MBP: variants seen among roughly 807,000 people sequenced by gnomAD.
The protein encoded by MBP is myelin basic protein.
MBP carries 16 observed loss-of-function variants against 35.8 expected under a neutral mutation model. That is an observed-to-expected ratio of 0.45 (90% CI 0.30 to 0.68). MBP has a LOEUF of 0.68. Among genes scored for constraint, MBP ranks in the 30% least tolerant of loss-of-function variants. The probability of loss-of-function intolerance (pLI) is 0.08; values close to 1 mark genes in which losing one functional copy is unlikely to be tolerated. For synonymous variants in MBP, 143 were observed against 159.6 expected (o/e 0.90, Z 0.78); for missense variants, 380 against 404.7 (o/e 0.94, Z 0.52).
At chr18:77,066,072 G>A (rs141401885) in intron 3 of MBP, 80 of 486,664 alleles carry the variant, frequency 1.6e-4, no homozygotes, top group African/African-American at 1.3e-3. Flanking sequence ...TGTGTTGCCC[G>A]GGCTGGTCTT....
rs936167539 is a variant in MBP, at chr18:76,990,695, C to T, written c.577-635G>A. Reference sequence around the variant, plus strand: ...GTCTTTGTCACCTTTTAAACTTTGTCTATGCAAATTAGGGTGTGTGTGTGC... The same window carrying T: ...GTCTTTGTCACCTTTTAAACTTTGTTTATGCAAATTAGGGTGTGTGTGTGC... On this transcript the variant is annotated intron_variant, in intron 4 of 8. Coordinates refer to ENST00000355994, the MANE Select transcript of MBP (RefSeq NM_001025101.2). 1.8e-5 allele frequency: 3 copies of T among 164,740 alleles called. No individual in the cohort carries two copies. In the East Asian group the frequency reaches 5.7e-4, roughly 31 times the overall value. 10.2% of individuals were successfully genotyped at this position (164,740 alleles called of 1,614,324 possible). A position where few individuals can be genotyped will look rare whatever the true frequency, so the allele number is the denominator to read the frequency against.
chr18:77,029,959 C>G (rs950182941), intron 3 of MBP, among the ~76,000 whole-genome samples: 1 of 152,184 alleles, frequency 6.6e-6, no homozygotes, highest in Non-Finnish European at 1.5e-5. Context: ...CACAGGGAAC[C>G]TAGACACAAT....
chr18:77,096,285 T>C (rs1378430861), intron 2 of MBP, among the ~76,000 whole-genome samples: 1 of 152,252 alleles, frequency 6.6e-6, no homozygotes, highest in African/African-American at 2.4e-5. Flanking sequence ...GCAAACTAAA[T>C]GTCTCATTTC....
chr18:77,085,389 T>C (rs981719612), intron 2 of MBP, among the ~76,000 whole-genome samples: 2 of 152,228 alleles, frequency 1.3e-5, no homozygotes, highest in Non-Finnish European at 2.9e-5. Context: ...AGCTTGGCCC[T>C]GCCAATCTTC....
chr18:77,087,014 T>A (rs71360994), intron 2 of MBP, among the ~76,000 whole-genome samples: 39,422 of 152,198 alleles, frequency 0.26, 5,605 homozygotes, highest in Middle Eastern at 0.34. Context: ...ATTCAATCTG[T>A]TTTATTTGAA....
At chr18:77,067,620 C>T (rs1173822732) in intron 2 of MBP, among the ~76,000 whole-genome samples, 3 of 152,180 alleles carry the variant, frequency 2.0e-5, no homozygotes, top group Admixed American at 2.0e-4. Flanking sequence ...ACTGAGCGGG[C>T]GTCAGTGCTG....
Position 77,052,581 on chromosome 18 carries a change from AG to A in MBP, c.139+13716del, listed in dbSNP as rs554090335. Among the ~76,000 whole-genome samples the A allele has an allele frequency of 3.3e-5, 5 of 152,346 alleles. No individual in the cohort carries two copies. The South Asian group carries it at 8.3e-4, about 25-fold the overall frequency. ...TTATATTTGAAGGCCAGGATCGCTT[AG>A]GGGTAAGTGCACAGGAAACAAACTT... On this transcript the variant is annotated intron_variant, in intron 3 of 8. Coordinates refer to ENST00000355994, the MANE Select transcript of MBP (RefSeq NM_001025101.2).
At position 77,124,925 on chromosome 18, in the gene MBP, C is replaced by T. The variant is rs139282887; in HGVS notation, c.-26+7655G>A. ...TTTAGCTAGATTCTCATGGTTCTTCCTCAAGTCATGGGCTCAAGAGTGAGG... is the reference window on the plus strand; with the variant it reads ...TTTAGCTAGATTCTCATGGTTCTTCTTCAAGTCATGGGCTCAAGAGTGAGG... On this transcript the variant is annotated intron_variant, in intron 1 of 8. Coordinates refer to ENST00000355994, the MANE Select transcript of MBP (RefSeq NM_001025101.2). Among the ~76,000 whole-genome samples, 835 of 152,324 alleles carry T rather than the reference C, an allele frequency of 5.5e-3. 7 individuals carry two copies. Among genetic ancestry groups the T allele is most frequent in the African/African-American group, 0.019 (797 of 41,560 alleles).
chr18:77,088,506 A>G (rs1371869087), intron 2 of MBP, among the ~76,000 whole-genome samples: 3 of 152,202 alleles, frequency 2.0e-5, no homozygotes, highest in Non-Finnish European at 4.4e-5. Flanking sequence ...ACCTTCTTAC[A>G]TACAAAAAAA....
intron 2 of MBP, among the ~76,000 whole-genome samples, chr18:77,083,943 C>T (rs1200731729): frequency 6.6e-6 from 1 of 151,960 alleles, no homozygotes; most frequent in Non-Finnish European, 1.5e-5. Context: ...ATCCAGTAAA[C>T]AAGACTGCAT....
chr18:77,052,361 G>T (rs1292031545), intron 3 of MBP, among the ~76,000 whole-genome samples: 3 of 152,166 alleles, frequency 2.0e-5, no homozygotes, highest in Non-Finnish European at 4.4e-5. Flanking sequence ...CTTGGATGGG[G>T]GCACCTGTGA....
chr18:77,094,183 C>G (rs1975664089), intron 2 of MBP, among the ~76,000 whole-genome samples: 1 of 152,160 alleles, frequency 6.6e-6, no homozygotes, highest in Non-Finnish European at 1.5e-5. Context: ...ACCATGTTGG[C>G]CAGGCTGGTC....
rs562169950 is a variant in MBP at position 77,021,468 on chromosome 18, C to T, written c.140-4200G>A. ...GGCGATGCTGTAGATAAAACAATGC[C>T]TGTGAAGATGCACCTTTTTTTTTTT... On this transcript the variant is annotated intron_variant, in intron 3 of 8. Coordinates refer to ENST00000355994, the MANE Select transcript of MBP (RefSeq NM_001025101.2). 2.0e-5 allele frequency among the ~76,000 whole-genome samples: 3 copies of T among 150,666 alleles called. No homozygotes were observed. In the South Asian group the frequency reaches 6.3e-4, roughly 32 times the overall value.
In MBP at chr18:77,111,986, C is replaced by T. The variant is rs142657980; in HGVS notation, c.-25-6700G>A. On this transcript the variant is annotated intron_variant, in intron 1 of 8. Transcript: ENST00000355994. Reference sequence around the variant, plus strand: ...ATCCTTGTCTCCTTTCTCTCTCCCCCGACGTCCCTCCCTCCATTCCTCTTC... The same window carrying T: ...ATCCTTGTCTCCTTTCTCTCTCCCCTGACGTCCCTCCCTCCATTCCTCTTC... 1.5e-3 allele frequency among the ~76,000 whole-genome samples: 227 copies of T among 152,254 alleles called. 1 individual carries two copies. The highest frequency in any genetic ancestry group is 4.9e-3 in the African/African-American group (204 of 41,542).
At position 76,988,944 on chromosome 18, in the gene MBP, T is replaced by A; in HGVS notation, c.682-32A>T. On this transcript the variant is annotated intron_variant, in intron 5 of 8. Coordinates refer to ENST00000355994, the MANE Select transcript of MBP (RefSeq NM_001025101.2). The surrounding 1 kb of genome is among the most constrained non-coding windows in gnomAD (Gnocchi z 5.2). ...AGACACAGAGAACCGTGGGCTGCAC[T>A]GGGAGCCCTGTGCCGCCGTCCATTT... The A allele has an allele frequency of 1.2e-6, 2 of 1,604,500 alleles. No individual in the cohort carries two copies. Among genetic ancestry groups the A allele is most frequent in the South Asian group, 2.2e-5 (2 of 90,898 alleles).
intron 3 of MBP, among the ~76,000 whole-genome samples, chr18:77,051,436 A>C (rs1390509216): frequency 6.6e-6 from 1 of 152,220 alleles, no homozygotes; most frequent in African/African-American, 2.4e-5. Flanking sequence ...TTAACCGTTC[A>C]ACAGTTAAGG....
At chr18:76,996,393 T>G (rs1012119820) in intron 4 of MBP, among the ~76,000 whole-genome samples, 3 of 152,180 alleles carry the variant, frequency 2.0e-5, no homozygotes, top group African/African-American at 7.2e-5. Context: ...TAATAAAAAC[T>G]TATGTTTATA....
At chr18:77,056,713 G>A (rs56697205) in intron 3 of MBP, among the ~76,000 whole-genome samples, 31,416 of 152,030 alleles carry the variant, frequency 0.21, 4,232 homozygotes, top group East Asian at 0.43. Context: ...TCTGGGATAC[G>A]TCTTCCCTGC....
chr18:77,015,509 T>C (rs572836342), intron 4 of MBP: 2 of 985,422 alleles, frequency 2.0e-6, no homozygotes, highest in African/African-American at 3.5e-5. Context: ...AAAGAACATG[T>C]CTACAAATGC....
Sources: allele counts gnomAD v4.1 joint callset (sites outside exome capture counted in the v4.1 genomes callset), GRCh38; gene constraint gnomAD v4.1.1; non-coding constraint Gnocchi (gnomAD v3.1); transcripts MANE v1.5; gene names NCBI Gene and HGNC (gene_info 2026-07-23, HGNC 2026-07-21).